CSMD1: variants seen among roughly 807,000 people sequenced by gnomAD.
CSMD1 encodes the protein CUB and sushi domain-containing protein 1.
In CSMD1, 213 loss-of-function variants were observed where a neutral mutation model predicts 417.5. The ratio of observed to expected loss-of-function variants is 0.51; its 90% CI spans 0.46 to 0.57. The LOEUF is 0.57. Among genes scored for constraint, CSMD1 ranks in the 20% least tolerant of loss-of-function variants. The pLI, the probability that CSMD1 is intolerant of heterozygous loss-of-function variation, is 0.00. For missense variants in CSMD1, 6,923 were observed against 4,529.7 expected, an observed-to-expected ratio of 1.53 and a Z score of -15.17; for synonymous variants, 2,862 against 1,736.8, an observed-to-expected ratio of 1.65 and a Z score of -16.11.
At chr8:3,767,350 A>G (rs984648540) in intron 5 of CSMD1, among the ~76,000 whole-genome samples, 3 of 152,214 alleles carry the variant, frequency 2.0e-5, no homozygotes, top group African/African-American at 7.2e-5. Context: ...GGGTCCAAAC[A>G]CAACCATGTC....
chr8:3,540,224 G>C (rs1798380487), intron 10 of CSMD1, among the ~76,000 whole-genome samples: 1 of 152,094 alleles, frequency 6.6e-6, no homozygotes, highest in Admixed American at 6.6e-5. Flanking sequence ...ATTAAACAAT[G>C]AATTTTAACC....
At chr8:3,919,178 C>A (rs867469774) in intron 5 of CSMD1, among the ~76,000 whole-genome samples, 34 of 74,992 alleles carry the variant, frequency 4.5e-4, no homozygotes, top group African/African-American at 1.7e-3. Flanking sequence ...CTTTTCGTGT[C>A]ATATCCAAAA....
intron 10 of CSMD1, among the ~76,000 whole-genome samples, chr8:3,554,931 C>A (rs990539888): frequency 6.6e-6 from 1 of 151,894 alleles, no homozygotes; most frequent in Non-Finnish European, 1.5e-5. Flanking sequence ...CCACACAGGG[C>A]AAGTGGGTCA....
rs1273491804 is a variant in CSMD1 at position 4,761,369 on chromosome 8, T to C, written c.86-123811A>G. On this transcript the variant is annotated intron_variant, in intron 1 of 69. Coordinates refer to ENST00000635120, the MANE Select transcript of CSMD1 (RefSeq NM_033225.6). ...TAATTACATCTTGAAATCGTGTTAC[T>C]TGGTGTGTGTGTGTGTATATATATA... Among the ~76,000 whole-genome samples the C allele has an allele frequency of 4.9e-5, 4 of 80,868 alleles. No individual in the cohort carries two copies. The Admixed American group carries it at 5.0e-4, about 10-fold the overall frequency. The allele number at this position is 80,868 out of a possible 152,430, so 53.1% of individuals were successfully genotyped here.
At chr8:3,743,722 G>A (rs1034595368) in intron 6 of CSMD1, among the ~76,000 whole-genome samples, 3 of 152,244 alleles carry the variant, frequency 2.0e-5, no homozygotes, top group East Asian at 1.9e-4. Flanking sequence ...TGAGCTGCAA[G>A]ATCGTTACTC....
At chr8:4,051,735 A>T (rs1397387662) in intron 3 of CSMD1, among the ~76,000 whole-genome samples, 1 of 152,190 alleles carries the variant, frequency 6.6e-6, no homozygotes, top group Non-Finnish European at 1.5e-5. Flanking sequence ...GATTAAAGAA[A>T]GGCAAAGAAA....
chr8:3,224,376 A>G (rs992606975), intron 27 of CSMD1, among the ~76,000 whole-genome samples: 7 of 152,210 alleles, frequency 4.6e-5, no homozygotes, highest in Admixed American at 1.3e-4. Flanking sequence ...TCATTGTTTT[A>G]TCCCAAACGT....
chr8:4,384,360 A>C (rs1432186694), intron 3 of CSMD1, among the ~76,000 whole-genome samples: 1 of 152,216 alleles, frequency 6.6e-6, no homozygotes, highest in African/African-American at 2.4e-5. Flanking sequence ...AACGCATCTG[A>C]GGCCCATCAC....
At chr8:3,823,782 G>C (rs142172456) in intron 5 of CSMD1, among the ~76,000 whole-genome samples, 1 of 151,618 alleles carries the variant, frequency 6.6e-6, no homozygotes, top group African/African-American at 2.4e-5. Flanking sequence ...TGTCAGTCTT[G>C]GTCAGTTTAA....
At chr8:4,933,917 A>G (rs557233669) in intron 1 of CSMD1, among the ~76,000 whole-genome samples, 10 of 152,324 alleles carry the variant, frequency 6.6e-5, no homozygotes, top group African/African-American at 2.2e-4. Context: ...TTACATTTTT[A>G]AATTTCATAA....
intron 62 of CSMD1, among the ~76,000 whole-genome samples, 180 bp downstream of exon 62, chr8:2,960,961 T>C (rs181067285): frequency 1.7e-4 from 22 of 130,848 alleles, no homozygotes; most frequent in East Asian, 1.5e-3. Context: ...TATATATATA[T>C]ATATACATAT....
chr8:4,323,439 T>C (rs1563453547), intron 3 of CSMD1, among the ~76,000 whole-genome samples: 1 of 152,090 alleles, frequency 6.6e-6, no homozygotes, highest in Non-Finnish European at 1.5e-5. Flanking sequence ...CCCCATTTGA[T>C]TCAAAGTAAC....
chr8:4,233,870 A>C (rs528637668), intron 3 of CSMD1, among the ~76,000 whole-genome samples: 2 of 151,330 alleles, frequency 1.3e-5, no homozygotes, highest in Non-Finnish European at 2.9e-5. Context: ...AATCCTGAGA[A>C]TTTCAAGCGG....
At chr8:3,775,734 A>G (rs1318187953) in intron 5 of CSMD1, among the ~76,000 whole-genome samples, 3 of 152,202 alleles carry the variant, frequency 2.0e-5, no homozygotes, top group Non-Finnish European at 2.9e-5. Flanking sequence ...AGTTCAAATG[A>G]TATGAACTAT....
chr8:4,984,811 C>T (rs899032486), intron 1 of CSMD1, among the ~76,000 whole-genome samples: 4 of 152,156 alleles, frequency 2.6e-5, no homozygotes, highest in African/African-American at 9.7e-5. Flanking sequence ...ACTTAGTGTC[C>T]TTGGGCTGAC....
intron 46 of CSMD1, among the ~76,000 whole-genome samples, chr8:3,102,578 C>G (rs1815834499): frequency 6.6e-6 from 1 of 152,168 alleles, no homozygotes; most frequent in Admixed American, 6.5e-5. Flanking sequence ...TGGGGACAGG[C>G]TGGGAGAAAT....
chr8:3,390,394 G>T (rs1168272103), intron 17 of CSMD1, among the ~76,000 whole-genome samples: 1 of 149,040 alleles, frequency 6.7e-6, no homozygotes, highest in Non-Finnish European at 1.5e-5. Context: ...TTTTGTAGCA[G>T]GTGATTTATC....
chr8:4,008,577 T>G (rs987944629), intron 4 of CSMD1, among the ~76,000 whole-genome samples: 1 of 150,366 alleles, frequency 6.7e-6, no homozygotes, highest in African/African-American at 2.4e-5. Flanking sequence ...CAACACATGA[T>G]TCAGTATTTT....
At chr8:4,282,886 T>A (rs1017753107) in intron 3 of CSMD1, among the ~76,000 whole-genome samples, 2 of 152,224 alleles carry the variant, frequency 1.3e-5, no homozygotes, top group African/African-American at 4.8e-5. Flanking sequence ...ATATTTTACA[T>A]TAATGGTTGA....
Sources: gnomAD v4.1 joint callset for allele counts (sites outside exome capture counted in the v4.1 genomes callset) on GRCh38, gnomAD v4.1.1 for gene constraint, MANE v1.5 for transcripts, NCBI Gene and HGNC (gene_info 2026-07-23, HGNC 2026-07-21) for gene names.